ASAP1: variants seen among roughly 807,000 people sequenced by gnomAD.
The protein encoded by ASAP1 is ArfGAP with SH3 domain, ankyrin repeat and PH domain 1.
A neutral mutation model predicts 145.2 loss-of-function variants in ASAP1; 43 were observed. The ratio of observed to expected loss-of-function variants is 0.30; its 90% CI spans 0.23 to 0.38. The LOEUF is 0.38. Ranked by LOEUF, ASAP1 falls within the 10% of genes least tolerant of loss-of-function variation. The probability of loss-of-function intolerance (pLI) is 1.00; values close to 1 mark genes in which losing one functional copy is unlikely to be tolerated. For synonymous variants in ASAP1, 546 were observed against 515.5 expected, an observed-to-expected ratio of 1.06 and a Z score of -0.80; for missense variants, 1,018 against 1,355.3, an observed-to-expected ratio of 0.75 and a Z score of 3.91.
At chr8:130,215,957 G>C (rs1816881306) in intron 4 of ASAP1, among the ~76,000 whole-genome samples, 1 of 122,606 alleles carries the variant, frequency 8.2e-6, no homozygotes. Flanking sequence ...GGGGAAAGGG[G>C]AAAGAAAAAG....
intron 11 of ASAP1, chr8:130,160,688 T>TA: frequency 1.2e-6 from 1 of 806,878 alleles, no homozygotes; most frequent in Non-Finnish European, 1.7e-6. Context: ...TACGAAAATG[T>TA]AAGAAATAAA....
chr8:130,334,516 A>G (rs1358752535), intron 3 of ASAP1, among the ~76,000 whole-genome samples: 1 of 152,214 alleles, frequency 6.6e-6, no homozygotes, highest in Non-Finnish European at 1.5e-5. Context: ...ACTTTATGCC[A>G]TGAAACAAAT....
intron 3 of ASAP1, among the ~76,000 whole-genome samples, chr8:130,275,451 C>T (rs2137115718): frequency 6.6e-6 from 1 of 152,328 alleles, no homozygotes; most frequent in African/African-American, 2.4e-5. Context: ...AATTACCAGT[C>T]CCCTGAGGCG....
intron 15 of ASAP1, among the ~76,000 whole-genome samples, chr8:130,133,384 C>T (rs1336737783): frequency 1.3e-5 from 2 of 151,772 alleles, no homozygotes; most frequent in Non-Finnish European, 2.9e-5. Context: ...GGGCCGGGCG[C>T]GGTGGCTCAC....
At chr8:130,282,834 G>A (rs1040938837) in intron 3 of ASAP1, among the ~76,000 whole-genome samples, 1 of 152,188 alleles carries the variant, frequency 6.6e-6, no homozygotes, top group African/African-American at 2.4e-5. Flanking sequence ...CTGGGGTCAG[G>A]AAGATAATAT....
chr8:130,076,052 G>A (rs1193200460), intron 27 of ASAP1, among the ~76,000 whole-genome samples: 2 of 152,220 alleles, frequency 1.3e-5, no homozygotes, highest in African/African-American at 2.4e-5. Flanking sequence ...TGGTTCCCAA[G>A]TCTCTCTGAT....
intron 3 of ASAP1, among the ~76,000 whole-genome samples, chr8:130,333,325 G>A (rs1445389004): frequency 6.6e-6 from 1 of 152,022 alleles, no homozygotes; most frequent in African/African-American, 2.4e-5. Flanking sequence ...TGGCTGGCTG[G>A]GCGCGGTGGC....
At chr8:130,061,964 C>T (rs1436225560) in intron 27 of ASAP1, among the ~76,000 whole-genome samples, 1 of 152,240 alleles carries the variant, frequency 6.6e-6, no homozygotes, top group Non-Finnish European at 1.5e-5. Flanking sequence ...GCAAATTACA[C>T]AACCTCTCTA....
At chr8:130,311,959 A>G (rs1056694052) in intron 3 of ASAP1, among the ~76,000 whole-genome samples, 17 of 152,266 alleles carry the variant, frequency 1.1e-4, no homozygotes, top group African/African-American at 4.1e-4. Context: ...TCTAAATGAG[A>G]AGATCCGAAT....
At chr8:130,298,963 T>C (rs1822457228) in intron 3 of ASAP1, among the ~76,000 whole-genome samples, 1 of 152,328 alleles carries the variant, frequency 6.6e-6, no homozygotes, top group South Asian at 2.1e-4. Context: ...TCCTAGCAGC[T>C]AGCAAAGTGC....
chr8:130,256,640 A>T (rs926527951), intron 3 of ASAP1, among the ~76,000 whole-genome samples: 4 of 151,100 alleles, frequency 2.6e-5, no homozygotes, highest in African/African-American at 9.7e-5. Context: ...TTAGAAGCTA[A>T]GTATGTAGTA....
Position 130,387,813 on chromosome 8 carries a change from T to G in ASAP1, c.59+14072A>C, listed in dbSNP as rs939567916. On this transcript the variant is annotated intron_variant, in intron 2 of 29. Coordinates refer to ENST00000518721, the MANE Select transcript of ASAP1 (RefSeq NM_018482.4). ...ACTTAGCAGCAGCCATTGATTTTAT[T>G]TCAACAACAATACATATTTACTGAA... Among the ~76,000 whole-genome samples, 3 of 152,244 alleles carry G rather than the reference T, an allele frequency of 2.0e-5. No individual in the cohort carries two copies. In the East Asian group the frequency reaches 5.8e-4, roughly 29 times the overall value.
chr8:130,256,751 A>C (rs1432284881), intron 3 of ASAP1, among the ~76,000 whole-genome samples: 10 of 40,794 alleles, frequency 2.5e-4, no homozygotes, highest in African/African-American at 8.7e-4. Context: ...ATATATATAT[A>C]TATATATATA....
intron 25 of ASAP1, among the ~76,000 whole-genome samples, chr8:130,084,951 A>G (rs183413018): frequency 6.6e-6 from 1 of 152,322 alleles, no homozygotes; most frequent in East Asian, 1.9e-4. Context: ...TCTATATTAA[A>G]TAAAAGTACA....
At chr8:130,402,064 G>C in intron 1 of ASAP1, 94 bp from the exon 2 acceptor site, 1 of 764,444 alleles carries the variant, frequency 1.3e-6, no homozygotes, top group Non-Finnish European at 2.1e-6. Flanking sequence ...TTCATATGGA[G>C]GCTGCACCTT....
intron 10 of ASAP1, among the ~76,000 whole-genome samples, chr8:130,168,048 G>A (rs2097683586): frequency 6.6e-6 from 1 of 152,136 alleles, no homozygotes; most frequent in African/African-American, 2.4e-5. Flanking sequence ...GGGGACAAGG[G>A]ATCAGTGCTG....
chr8:130,142,888 C>A (rs2097615839), intron 13 of ASAP1, among the ~76,000 whole-genome samples: 1 of 150,944 alleles, frequency 6.6e-6, no homozygotes, highest in Non-Finnish European at 1.5e-5. Flanking sequence ...GGTGGGGGGG[C>A]AGTTGGTGGG....
intron 3 of ASAP1, among the ~76,000 whole-genome samples, chr8:130,332,677 C>T (rs1404032782): frequency 6.6e-6 from 1 of 152,146 alleles, no homozygotes; most frequent in Non-Finnish European, 1.5e-5. Flanking sequence ...AAAAAGGCTG[C>T]TTCCTTAGTT....
At chr8:130,219,264 C>T (rs1774274766) in intron 4 of ASAP1, among the ~76,000 whole-genome samples, 1 of 128,272 alleles carries the variant, frequency 7.8e-6, no homozygotes, top group Non-Finnish European at 1.8e-5. Context: ...ACACACATGT[C>T]CCCTAACACA....
Sources: allele counts gnomAD v4.1 joint callset (sites outside exome capture counted in the v4.1 genomes callset), GRCh38; gene constraint gnomAD v4.1.1; transcripts MANE v1.5; gene names NCBI Gene and HGNC (gene_info 2026-07-23, HGNC 2026-07-21).